Variants in ARHGEF37 observed in about 807,000 individuals in gnomAD.
ARHGEF37 encodes Rho guanine nucleotide exchange factor (GEF) 37.
A neutral mutation model predicts 71.1 loss-of-function variants in ARHGEF37; 55 were observed. The observed-to-expected ratio is 0.77, with a 90% CI of 0.62 to 0.97. The LOEUF is 0.97. ARHGEF37 is among the 50% of genes least tolerant of loss of function. The pLI is 0.00. For missense variants in ARHGEF37, 765 were observed against 836.8 expected (o/e 0.91, Z 1.06); for synonymous variants, 327 against 350.6 (o/e 0.93, Z 0.75).
intron 3 of ARHGEF37, among the ~76,000 whole-genome samples, chr5:149,605,277 T>C (rs1488418312): frequency 6.6e-6 from 1 of 151,214 alleles, no homozygotes; most frequent in Non-Finnish European, 1.5e-5. Context: ...TAGCTGCAAA[T>C]TTTTTAAATT....
chr5:149,565,150 C>A (rs1284010557), intron 1 of ARHGEF37, among the ~76,000 whole-genome samples: 2 of 152,046 alleles, frequency 1.3e-5, no homozygotes, highest in Non-Finnish European at 1.5e-5. Flanking sequence ...TGAAAAGGAC[C>A]AAATTAGGGC....
upstream of ARHGEF37, among the ~76,000 whole-genome samples, chr5:149,580,379 TG>T (rs1763084209): frequency 6.6e-6 from 1 of 152,174 alleles, no homozygotes; most frequent in Non-Finnish European, 1.5e-5. Flanking sequence ...TTTTCTCTTC[TG>T]CAAGCTATAC....
chr5:149,561,272 C>CA (rs11334969), intron 1 of ARHGEF37, among the ~76,000 whole-genome samples: 2,246 of 62,362 alleles, frequency 0.036, 62 homozygotes, highest in Middle Eastern at 0.092. Context: ...GACTCTGTCT[C>CA]AAAAAAAAAA....
intron 5 of ARHGEF37, 42 bp downstream of exon 5, chr5:149,616,808 C>T: frequency 6.6e-7 from 1 of 1,513,638 alleles, no homozygotes. Context: ...AGTAGGAATG[C>T]TTCCAGTTAC....
chr5:149,625,085 A>G (rs2113383601), intron 10 of ARHGEF37, among the ~76,000 whole-genome samples: 1 of 151,874 alleles, frequency 6.6e-6, no homozygotes, highest in East Asian at 1.9e-4. Context: ...TTTAGTAGAG[A>G]GGGGGTTTCA....
At chr5:149,608,266 CATATATAATAAATATATTACAT>C in intron 3 of ARHGEF37, among the ~76,000 whole-genome samples, 1 of 942 alleles carries the variant, frequency 1.1e-3, no homozygotes, top group Non-Finnish European at 0.017. Flanking sequence ...AGAGGCCTGA[CATATATAATAAATATATTACAT>C]ATGTAATATG....
chr5:149,578,353 G>A (rs1164361150), upstream of ARHGEF37, among the ~76,000 whole-genome samples: 1 of 152,180 alleles, frequency 6.6e-6, no homozygotes, highest in Non-Finnish European at 1.5e-5. Context: ...TTTGCAACTG[G>A]TCTAGGAGTT....
chr5:149,621,817 C>G lies in ARHGEF37; in HGVS notation c.1090C>G (p.Arg364Gly), dbSNP rs552298903. The change falls in exon 9 of 13, where the codon CGT becomes GGT. Residue 364 changes from arginine (R) to glycine (G), a missense_variant. Physicochemically the swap from Arg to Gly is moderately radical, Grantham distance 125 (BLOSUM62 -2). Coordinates refer to ENST00000333677, the MANE Select transcript of ARHGEF37 (RefSeq NM_001001669.3). ...TGGCCCTCAGAACCTGATCAAGAAG[C>G]GTCTGGACAAGCTACTGGACTTTGA... ...LLGPQNLIKK[R>G]LDKLLDFERV... 4 of 1,614,236 alleles carry G rather than the reference C, an allele frequency of 2.5e-6. No individual in the cohort carries two copies. The South Asian group carries it at 4.4e-5, about 18-fold the overall frequency.
At position 149,599,155 on chromosome 5, in the gene ARHGEF37, G is replaced by C. The variant is rs866134850; in HGVS notation, c.186+1200G>C. ...TAAAACCCAAAGTGCAGATACAAAA[G>C]GATTCCCTGATAGGCCTCTAGGGGA... is the stretch of plus-strand genomic sequence containing the variant. On this transcript the variant is annotated intron_variant, in intron 2 of 12. Coordinates refer to ENST00000333677, the MANE Select transcript of ARHGEF37 (RefSeq NM_001001669.3). Among the ~76,000 whole-genome samples, 13 of 152,236 alleles carry C rather than the reference G, an allele frequency of 8.5e-5. 1 individual carries two copies. The highest frequency in any genetic ancestry group is 2.9e-4 in the African/African-American group (12 of 41,462).
chr5:149,607,487 T>A (rs996991344), intron 3 of ARHGEF37, among the ~76,000 whole-genome samples: 6 of 152,242 alleles, frequency 3.9e-5, no homozygotes, highest in African/African-American at 1.4e-4. Context: ...GGCTCCGTTT[T>A]AATTCATGGC....
chr5:149,607,504 C>G (rs955425354), intron 3 of ARHGEF37, among the ~76,000 whole-genome samples: 1 of 152,228 alleles, frequency 6.6e-6, no homozygotes, highest in African/African-American at 2.4e-5. Context: ...TGGCACTTAT[C>G]ATATGTGTAT....
At chr5:149,605,494 C>T (rs1763891124) in intron 3 of ARHGEF37, among the ~76,000 whole-genome samples, 1 of 152,124 alleles carries the variant, frequency 6.6e-6, no homozygotes, top group Non-Finnish European at 1.5e-5. Context: ...CATCATATTT[C>T]AAGTGCCCAA....
intron 2 of ARHGEF37, among the ~76,000 whole-genome samples, chr5:149,598,738 A>C (rs1313517053): frequency 9.8e-6 from 1 of 101,548 alleles, no homozygotes; most frequent in Non-Finnish European, 2.0e-5. Context: ...AATAAATCTC[A>C]TATATATATA....
At chr5:149,566,514 C>G (rs916632579) in intron 1 of ARHGEF37, among the ~76,000 whole-genome samples, 1 of 143,370 alleles carries the variant, frequency 7.0e-6, no homozygotes, top group East Asian at 2.3e-4. Flanking sequence ...CATCCTCCCC[C>G]CCAAAAAAAC....
chr5:149,632,126 G>T lies in ARHGEF37; in HGVS notation c.1963G>T (p.Val655Leu). ...GGAAGTGAATGGACAGAGGGGTTATGTGCCTTCTGGCTTCTTGGCCAGGGC... is the reference window on the plus strand; with the variant it reads ...GGAAGTGAATGGACAGAGGGGTTATTTGCCTTCTGGCTTCTTGGCCAGGGC... ...LVEVNGQRGY[V>L]PSGFLARARS... The change falls in exon 13 of 13, where the codon GTG becomes TTG. Residue 655 changes from valine to leucine, a missense_variant. Physicochemically the swap from Val to Leu is conservative, Grantham distance 32. Coordinates refer to ENST00000333677, the MANE Select transcript of ARHGEF37 (RefSeq NM_001001669.3). 2 of 1,614,278 alleles carry T rather than the reference G, an allele frequency of 1.2e-6. No individual in the cohort carries two copies. The highest frequency in any genetic ancestry group is 1.7e-6 in the Non-Finnish European group (2 of 1,180,060).
In ARHGEF37 at chr5:149,628,777, C is replaced by T. The variant is rs142791834; in HGVS notation, c.1661-32C>T. 9.2e-4 allele frequency: 1,467 copies of T among 1,590,026 alleles called. 4 individuals carry two copies. Among genetic ancestry groups the T allele is most frequent in the Non-Finnish European group, 1.1e-3 (1,258 of 1,166,656 alleles). On this transcript the variant is annotated intron_variant, in intron 11 of 12. Coordinates refer to ENST00000333677, the MANE Select transcript of ARHGEF37 (RefSeq NM_001001669.3). ...CATTAAAAGGGACGGGAAGGTGGCC[C>T]GCAGCCTGCTAACCTTCTGCATGCT...
At chr5:149,585,981 G>T (rs1422558382) in intron 1 of ARHGEF37, among the ~76,000 whole-genome samples, 1 of 152,178 alleles carries the variant, frequency 6.6e-6, no homozygotes, top group African/African-American at 2.4e-5. Flanking sequence ...TTCTGCCAGT[G>T]TTTGCCCATG....
intron 1 of ARHGEF37, among the ~76,000 whole-genome samples, chr5:149,586,587 C>T (rs1763248115): frequency 6.6e-6 from 1 of 152,210 alleles, no homozygotes. Context: ...TGAAAGACCA[C>T]TCCACTCTGA....
intron 1 of ARHGEF37, among the ~76,000 whole-genome samples, chr5:149,569,159 T>C (rs1243273102): frequency 6.6e-6 from 1 of 152,042 alleles, no homozygotes; most frequent in East Asian, 1.9e-4. Context: ...GATATATAGG[T>C]TTTAAAATTT....
Sources: gnomAD v4.1 joint callset for allele counts (sites outside exome capture counted in the v4.1 genomes callset) on GRCh38, gnomAD v4.1.1 for gene constraint, MANE v1.5 for transcripts, NCBI Gene and HGNC (gene_info 2026-07-23, HGNC 2026-07-21) for gene names.